The following HRH1 variants were observed in gnomAD, a reference collection of about 807,000 sequenced individuals.
HRH1 encodes histamine H1 receptor.
HRH1 carries 6 observed loss-of-function variants against 10.3 expected under a neutral mutation model. That is an observed-to-expected ratio of 0.58 (90% confidence interval 0.32 to 1.15). The LOEUF is 1.15. Ranked by LOEUF, HRH1 falls within the 50% of genes most tolerant of loss-of-function variation. HRH1 has a pLI of 0.05. For synonymous variants in HRH1, 242 were observed against 236.7 expected, an observed-to-expected ratio of 1.02 and a Z score of -0.21; for missense variants, 514 against 615.3, an observed-to-expected ratio of 0.84 and a Z score of 1.74.
intron 1 of HRH1, among the ~76,000 whole-genome samples, chr3:11,145,926 G>T (rs778612688): frequency 6.6e-6 from 1 of 152,160 alleles, no homozygotes; most frequent in African/African-American, 2.4e-5. Flanking sequence ...CCTCATTGCT[G>T]TAGAGTATCC....
chr3:11,152,024 G>A (rs1936641211), upstream of HRH1, among the ~76,000 whole-genome samples: 1 of 152,084 alleles, frequency 6.6e-6, no homozygotes, highest in Admixed American at 6.6e-5. Flanking sequence ...AGTAGGAGTG[G>A]GGCTGTGGGT....
chr3:11,171,277 C>T (rs956677944), intron 1 of HRH1, among the ~76,000 whole-genome samples: 3 of 152,070 alleles, frequency 2.0e-5, no homozygotes, highest in African/African-American at 7.2e-5. Flanking sequence ...CCACCACACC[C>T]GGCTAATGTT....
At chr3:11,217,269 C>T (rs1031310843) in intron 1 of HRH1, among the ~76,000 whole-genome samples, 5 of 151,510 alleles carry the variant, frequency 3.3e-5, no homozygotes, top group African/African-American at 1.2e-4. Flanking sequence ...GTGGCTCACA[C>T]CTGTAATCCC....
At chr3:11,229,480 TG>T (rs1243371672) in intron 1 of HRH1, among the ~76,000 whole-genome samples, 1 of 152,222 alleles carries the variant, frequency 6.6e-6, no homozygotes, top group Admixed American at 6.5e-5. Context: ...TACCACATCT[TG>T]GGTGTTACCT....
intron 1 of HRH1, among the ~76,000 whole-genome samples, chr3:11,194,700 A>G (rs1203620192): frequency 2.0e-5 from 3 of 152,184 alleles, no homozygotes; most frequent in Non-Finnish European, 2.9e-5. Context: ...CTGTAATCCC[A>G]GCTACTTGGG....
At chr3:11,187,294 G>C (rs554946009) in intron 1 of HRH1, among the ~76,000 whole-genome samples, 35 of 152,214 alleles carry the variant, frequency 2.3e-4, no homozygotes, top group Non-Finnish European at 4.6e-4. Flanking sequence ...GGTATAGGAG[G>C]CTCCTAAGAA....
chr3:11,184,684 G>A (rs934594240), intron 1 of HRH1, among the ~76,000 whole-genome samples: 3 of 152,138 alleles, frequency 2.0e-5, no homozygotes, highest in Admixed American at 1.3e-4. Context: ...GGGAGGCCGA[G>A]GCGGGCGGAT....
intron 1 of HRH1, among the ~76,000 whole-genome samples, chr3:11,251,738 C>T (rs1292523064): frequency 6.6e-6 from 1 of 152,170 alleles, no homozygotes; most frequent in Non-Finnish European, 1.5e-5. Flanking sequence ...ACAAGATAGC[C>T]TTGTATTTTA....
chr3:11,204,900 T>A (rs1938061252), intron 1 of HRH1, among the ~76,000 whole-genome samples: 1 of 152,148 alleles, frequency 6.6e-6, no homozygotes, highest in Admixed American at 6.5e-5. Context: ...CTTTCCCAGA[T>A]GCGAGGTTTC....
chr3:11,139,206 C>T (rs112053599), intron 1 of HRH1, among the ~76,000 whole-genome samples: 2 of 151,354 alleles, frequency 1.3e-5, no homozygotes, highest in Non-Finnish European at 2.9e-5. Flanking sequence ...AGGCTGGTTT[C>T]GAACCCCTGA....
chr3:11,246,934 C>G (rs1050213295), intron 1 of HRH1, among the ~76,000 whole-genome samples: 11 of 152,118 alleles, frequency 7.2e-5, no homozygotes, highest in Admixed American at 2.0e-4. Context: ...GTGGTCCCTC[C>G]CAGCTACTCA....
chr3:11,219,240 T>TATTTA (rs1938615161), intron 1 of HRH1, among the ~76,000 whole-genome samples: 3 of 152,166 alleles, frequency 2.0e-5, no homozygotes, highest in South Asian at 2.1e-4. Flanking sequence ...CAGGGAGCAG[T>TATTTA]GACTCCAGAA....
chr3:11,207,523 C>A (rs964187076), intron 1 of HRH1, among the ~76,000 whole-genome samples: 10 of 152,038 alleles, frequency 6.6e-5, no homozygotes, highest in African/African-American at 2.2e-4. Flanking sequence ...GAGCCGAGAT[C>A]ATGCCACTGC....
chr3:11,259,332 C>T lies in HRH1; in HGVS notation c.295C>T (p.Leu99Phe), dbSNP rs773317083. 7 of 1,613,772 alleles carry T rather than the reference C, an allele frequency of 4.3e-6. No homozygotes were observed. Among genetic ancestry groups the T allele is most frequent in the Non-Finnish European group, 5.9e-6 (7 of 1,180,016 alleles). ...GTCCAAGTGGTCACTGGGCCGTCCT[C>T]TCTGCCTCTTTTGGCTTTCCATGGA... ...LMSKWSLGRP[L>F]CLFWLSMDYV... The change falls in exon 2 of 2, where the codon CTC becomes TTC. Residue 99 changes from leucine to phenylalanine, a missense_variant. Transcript: ENST00000431010. The surrounding 1 kb of genome is among the most constrained non-coding windows in gnomAD (Gnocchi z 4.6).
intron 1 of HRH1, among the ~76,000 whole-genome samples, chr3:11,140,183 C>CT (rs1936264575): frequency 6.6e-6 from 1 of 152,286 alleles, no homozygotes; most frequent in East Asian, 1.9e-4. Context: ...ATAAAAGCTT[C>CT]TGCCCACATT....
chr3:11,145,027 AAG>A (rs1936404579), intron 1 of HRH1, among the ~76,000 whole-genome samples: 2 of 152,018 alleles, frequency 1.3e-5, no homozygotes, highest in Admixed American at 6.6e-5. Flanking sequence ...TCTTCCTCCT[AAG>A]TATCTCTGGA....
upstream of HRH1, among the ~76,000 whole-genome samples, chr3:11,153,064 A>G (rs1198528042): frequency 5.9e-5 from 9 of 152,168 alleles, no homozygotes. Context: ...TAGAAATGGC[A>G]TCATGAAACT....
intron 1 of HRH1, among the ~76,000 whole-genome samples, chr3:11,142,721 T>C (rs959507070): frequency 3.3e-5 from 5 of 152,086 alleles, no homozygotes; most frequent in African/African-American, 9.7e-5. Flanking sequence ...AAGACCAGCT[T>C]GGCCAACACA....
chr3:11,199,145 C>A (rs1048068893), intron 1 of HRH1, among the ~76,000 whole-genome samples: 1 of 152,034 alleles, frequency 6.6e-6, no homozygotes, highest in Non-Finnish European at 1.5e-5. Context: ...GTCTTGAACT[C>A]CTGGAGGCTG....
Sources: allele counts gnomAD v4.1 joint callset (sites outside exome capture counted in the v4.1 genomes callset), GRCh38; gene constraint gnomAD v4.1.1; non-coding constraint Gnocchi (gnomAD v3.1); transcripts MANE v1.5; gene names NCBI Gene and HGNC (gene_info 2026-07-23, HGNC 2026-07-21).